Variants in GRIN2A observed in about 807,000 individuals in gnomAD.
GRIN2A encodes the protein glutamate receptor ionotropic, NMDA 2A.
A neutral mutation model predicts 113.4 loss-of-function variants in GRIN2A; 22 were observed. That is an observed-to-expected ratio of 0.19 (90% CI 0.14 to 0.28). The LOEUF (loss-of-function observed/expected upper bound fraction) is 0.28. GRIN2A is among the 10% of genes least tolerant of loss of function. The pLI is 1.00. For missense variants in GRIN2A, 1,502 were observed against 1,887.0 expected, an observed-to-expected ratio of 0.80 and a Z score of 3.78; for synonymous variants, 827 against 738.4, an observed-to-expected ratio of 1.12 and a Z score of -1.94.
intron 2 of GRIN2A, among the ~76,000 whole-genome samples, chr16:10,059,169 C>T (rs889155194): frequency 3.3e-5 from 5 of 152,146 alleles, no homozygotes; most frequent in Non-Finnish European, 5.9e-5. Context: ...GATGGAGCAG[C>T]TGCAGATGTG....
At chr16:9,986,883 G>A (rs1319000397) in intron 2 of GRIN2A, among the ~76,000 whole-genome samples, 1 of 150,942 alleles carries the variant, frequency 6.6e-6, no homozygotes. Context: ...GGTATTTTCT[G>A]TCCTCCAATT....
At chr16:10,117,467 T>C (rs1201942716) in intron 2 of GRIN2A, among the ~76,000 whole-genome samples, 1 of 152,216 alleles carries the variant, frequency 6.6e-6, no homozygotes, top group Non-Finnish European at 1.5e-5. Context: ...TCTCTGCTTA[T>C]GATTAGAGTT....
chr16:10,039,813 AAG>A (rs142696536), intron 2 of GRIN2A, among the ~76,000 whole-genome samples: 1,867 of 73,412 alleles, frequency 0.025, 41 homozygotes, highest in Middle Eastern at 0.076. Context: ...GGGGGGGAGA[AAG>A]AGAGAGAGAG....
At chr16:9,982,430 C>A (rs1312020674) in intron 2 of GRIN2A, among the ~76,000 whole-genome samples, 2 of 152,180 alleles carry the variant, frequency 1.3e-5, no homozygotes, top group Non-Finnish European at 2.9e-5. Context: ...TTCTACTATT[C>A]CTTCTTCATT....
intron 2 of GRIN2A, among the ~76,000 whole-genome samples, chr16:10,059,896 T>G (rs547286338): frequency 1.3e-5 from 2 of 151,740 alleles, no homozygotes; most frequent in African/African-American, 4.8e-5. Context: ...ATACAGGAAA[T>G]TGGTTACATA....
intron 3 of GRIN2A, among the ~76,000 whole-genome samples, chr16:9,898,525 C>G (rs2043852646): frequency 6.6e-6 from 1 of 152,126 alleles, no homozygotes; most frequent in African/African-American, 2.4e-5. Context: ...CTATTTCCCC[C>G]TTAGACTTTA....
intron 5 of GRIN2A, among the ~76,000 whole-genome samples, chr16:9,843,174 A>C (rs1375060496): frequency 6.6e-6 from 1 of 152,110 alleles, no homozygotes. Flanking sequence ...GGTGAAAAAC[A>C]TGTTTTCTTT....
chr16:9,882,332 A>G (rs540555990), intron 4 of GRIN2A, among the ~76,000 whole-genome samples: 1 of 152,340 alleles, frequency 6.6e-6, no homozygotes, highest in Admixed American at 6.5e-5. Context: ...TCAGAACCAC[A>G]GACTCAAGAG....
intron 4 of GRIN2A, among the ~76,000 whole-genome samples, chr16:9,890,001 T>A (rs948347813): frequency 9.9e-5 from 15 of 152,130 alleles, no homozygotes; most frequent in African/African-American, 3.4e-4. Flanking sequence ...TGTCATTGTC[T>A]CCCCAGAGTC....
chr16:9,802,115 TGGTG>T (rs1903399341), intron 10 of GRIN2A, among the ~76,000 whole-genome samples: 1 of 152,172 alleles, frequency 6.6e-6, no homozygotes, highest in Admixed American at 6.5e-5. Context: ...TATACACTGA[TGGTG>T]GGAGTGTAGA....
rs1051940439 is a variant in GRIN2A, at chr16:10,066,660, G to A, written c.414+113338C>T. Among the ~76,000 whole-genome samples, 8 of 152,284 alleles carry A rather than the reference G, an allele frequency of 5.3e-5. No individual in the cohort carries two copies. In the East Asian group the frequency reaches 1.5e-3, roughly 29 times the overall value. ...CTCTGAGACCTTAGGATGAGTGACT[G>A]AAGCATCTTAAGCTGCCCCTCCCAG... is the stretch of plus-strand genomic sequence containing the variant. On this transcript the variant is annotated intron_variant, in intron 2 of 12. Coordinates refer to ENST00000330684, the MANE Select transcript of GRIN2A (RefSeq NM_001134407.3).
At chr16:9,890,936 G>T in intron 4 of GRIN2A, 50 bp downstream of exon 4, 1 of 1,130,210 alleles carries the variant, frequency 8.8e-7, no homozygotes, top group Non-Finnish European at 1.4e-6. Flanking sequence ...CCCCTTTATT[G>T]CCCATGCTTT....
chr16:10,086,967 A>G (rs538862287), intron 2 of GRIN2A, among the ~76,000 whole-genome samples: 2 of 152,338 alleles, frequency 1.3e-5, no homozygotes, highest in Non-Finnish European at 2.9e-5. Context: ...CTTGAGCATG[A>G]ATGAAGTTTT....
At chr16:10,057,447 T>C (rs1657911453) in intron 2 of GRIN2A, among the ~76,000 whole-genome samples, 1 of 152,040 alleles carries the variant, frequency 6.6e-6, no homozygotes, top group African/African-American at 2.4e-5. Context: ...TCTTCCCAAA[T>C]GGATATATAG....
chr16:9,836,058 T>C (rs2042579370), intron 7 of GRIN2A, among the ~76,000 whole-genome samples: 1 of 152,224 alleles, frequency 6.6e-6, no homozygotes, highest in Non-Finnish European at 1.5e-5. Flanking sequence ...AATTTAATAC[T>C]GAGTTGTATC....
intron 12 of GRIN2A, among the ~76,000 whole-genome samples, chr16:9,766,931 T>G (rs1432903507): frequency 1.3e-5 from 2 of 152,216 alleles, no homozygotes; most frequent in Non-Finnish European, 2.9e-5. Flanking sequence ...AGATATGGAT[T>G]TACTTCATTT....
intron 2 of GRIN2A, among the ~76,000 whole-genome samples, chr16:10,086,519 C>T (rs918634985): frequency 3.3e-5 from 5 of 151,348 alleles, no homozygotes; most frequent in Admixed American, 2.0e-4. Context: ...GAGCAAATCC[C>T]GCCTTCTTCA....
At chr16:10,159,108 T>G (rs1567340169) in intron 2 of GRIN2A, among the ~76,000 whole-genome samples, 1 of 152,132 alleles carries the variant, frequency 6.6e-6, no homozygotes, top group Non-Finnish European at 1.5e-5. Flanking sequence ...TAAGCTTCTG[T>G]GATTCCCTGG....
chr16:9,786,900 C>G (rs1363969321), intron 11 of GRIN2A, among the ~76,000 whole-genome samples: 1 of 152,148 alleles, frequency 6.6e-6, no homozygotes, highest in Non-Finnish European at 1.5e-5. Flanking sequence ...ATTTTCTTCT[C>G]TTGCCCAAAG....
Sources: gnomAD v4.1 joint callset for allele counts (sites outside exome capture counted in the v4.1 genomes callset) on GRCh38, gnomAD v4.1.1 for gene constraint, MANE v1.5 for transcripts, NCBI Gene and HGNC (gene_info 2026-07-23, HGNC 2026-07-21) for gene names.